The following RGS9 variants were observed in gnomAD, a reference collection of about 807,000 sequenced individuals.
RGS9 encodes the protein regulator of G-protein signalling 9.
A neutral mutation model predicts 102.0 loss-of-function variants in RGS9; 78 were observed. The observed-to-expected ratio is 0.76, with a 90% CI of 0.64 to 0.92. RGS9 has a LOEUF of 0.92. Among genes scored for constraint, RGS9 ranks in the 40% least tolerant of loss-of-function variants. The pLI is 0.00. For synonymous variants in RGS9, 353 were observed against 318.6 expected (o/e 1.11, Z -1.15); for missense variants, 833 against 866.1 (o/e 0.96, Z 0.48).
chr17:65,152,836 G>A (rs973417726), intron 1 of RGS9, among the ~76,000 whole-genome samples: 11 of 152,178 alleles, frequency 7.2e-5, no homozygotes, highest in African/African-American at 2.4e-4. Context: ...GGTCACTGTC[G>A]TTTCTCACCT....
intron 17 of RGS9, among the ~76,000 whole-genome samples, chr17:65,218,033 C>G (rs1913576071): frequency 6.6e-6 from 1 of 152,216 alleles, no homozygotes; most frequent in Non-Finnish European, 1.5e-5. Context: ...GCTTGACAAT[C>G]ACTGTGAGGC....
At position 65,225,374 on chromosome 17, in the gene RGS9, C is replaced by A. The variant is rs776545254; in HGVS notation, c.1780C>A (p.Pro594Thr). Reference protein sequence around the residue: ...RFLRRGCLASPVFARLSPKCP... With the variant: ...RFLRRGCLASTVFARLSPKCP... ...TCTGAGACGAGGCTGTCTGGCCTCA[C>A]CTGTCTTTGCCAGGCTCTCACCCAA... The change falls in exon 18 of 19, where the codon CCT becomes ACT. Residue 594 changes from proline to threonine, a missense_variant. Physicochemically the swap from Pro to Thr is conservative, Grantham distance 38. Around this residue, in one of 3 missense-constraint regions of RGS9, gnomAD observed 320 missense variants for 276.8 expected, o/e 1.16. Transcript: ENST00000262406. 3 of 1,611,890 alleles carry A rather than the reference C, an allele frequency of 1.9e-6. No individual in the cohort carries two copies. The African/African-American group carries it at 4.0e-5, about 22-fold the overall frequency.
At chr17:65,199,121 C>A (rs1302516975) in intron 13 of RGS9, among the ~76,000 whole-genome samples, 1 of 152,190 alleles carries the variant, frequency 6.6e-6, no homozygotes, top group Non-Finnish European at 1.5e-5. Context: ...TCAATTTGCT[C>A]ATTTACTTTT....
intron 18 of RGS9, 126 bp downstream of exon 18, chr17:65,225,612 C>T: frequency 7.3e-7 from 1 of 1,375,178 alleles, no homozygotes; most frequent in Non-Finnish European, 1.0e-6. Context: ...AGGCAGCCCA[C>T]TCAGATCCCT....
intron 18 of RGS9, among the ~76,000 whole-genome samples, chr17:65,226,372 G>A (rs1159723754): frequency 5.9e-5 from 9 of 152,216 alleles, no homozygotes; most frequent in African/African-American, 2.2e-4. Flanking sequence ...GCCAGGCAGA[G>A]GTTGTTATCC....
At chr17:65,193,716 C>T in intron 12 of RGS9, 60 bp downstream of exon 12, 2 of 968,310 alleles carry the variant, frequency 2.1e-6, no homozygotes, top group Non-Finnish European at 1.7e-6. Context: ...AATTCACATG[C>T]CATAAAATTC....
At chr17:65,162,887 C>T (rs1911038998) in intron 6 of RGS9, 126 bp from the exon 7 acceptor site, 1 of 687,320 alleles carries the variant, frequency 1.5e-6, no homozygotes, top group South Asian at 1.5e-5. Flanking sequence ...AGCTTAGATA[C>T]CATCGGGCTG....
In RGS9 at chr17:65,173,936, C is replaced by T. The variant is rs1424739046; in HGVS notation, c.583-3796C>T. ...CGAGGGCAGGGAACTGGAAAAGGAC[C>T]ACAGCTTGATTGGGAACAACTGAGA... On this transcript the variant is annotated intron_variant, in intron 8 of 18. Transcript: ENST00000262406. This position sits in a 1 kb window ranked among gnomAD's most constrained non-coding sequence, Gnocchi z 4.8. Among the ~76,000 whole-genome samples, 1 of 152,198 alleles carries T rather than the reference C, an allele frequency of 6.6e-6. No individual in the cohort carries two copies. The highest frequency in any genetic ancestry group is 1.5e-5 in the Non-Finnish European group (1 of 68,024).
intron 16 of RGS9, 102 bp downstream of exon 16, chr17:65,208,109 T>C: frequency 1.3e-6 from 1 of 799,628 alleles, no homozygotes; most frequent in Non-Finnish European, 2.2e-6. Context: ...ATTTGCTTGA[T>C]GAAAATATTG....
chr17:65,138,536 G>A lies in RGS9; in HGVS notation c.57+939G>A, dbSNP rs74353246. On this transcript the variant is annotated intron_variant, in intron 1 of 18. Coordinates refer to ENST00000262406, the MANE Select transcript of RGS9 (RefSeq NM_003835.4). The stretch of plus-strand genomic sequence containing the variant: ...TGGACAGTCCTGGGGACCCCGAGAC[G>A]GTCGCATTTGGTCCACCTGTTTCAA... 9.8e-3 allele frequency among the ~76,000 whole-genome samples: 1,490 copies of A among 152,114 alleles called. 25 individuals carry two copies. The highest frequency in any genetic ancestry group is 0.061 in the South Asian group (292 of 4,810).
Position 65,212,873 on chromosome 17 carries a change from G to A in RGS9, c.1407+2268G>A, listed in dbSNP as rs370994368. Reference sequence around the variant, plus strand: ...CCATTGTAAACTGGGTGACACGAGAGGAGGGACTGTATTTATCTCATTCAT... The same window carrying A: ...CCATTGTAAACTGGGTGACACGAGAAGAGGGACTGTATTTATCTCATTCAT... On this transcript the variant is annotated intron_variant, in intron 17 of 18. Coordinates refer to ENST00000262406, the MANE Select transcript of RGS9 (RefSeq NM_003835.4). Among the ~76,000 whole-genome samples, 20 of 152,326 alleles carry A rather than the reference G, an allele frequency of 1.3e-4. No individual in the cohort carries two copies. The East Asian group carries it at 3.9e-3, about 29-fold the overall frequency.
intron 11 of RGS9, among the ~76,000 whole-genome samples, chr17:65,192,372 G>A (rs1912401514): frequency 6.6e-6 from 1 of 152,138 alleles, no homozygotes; most frequent in South Asian, 2.1e-4. Flanking sequence ...CCAGCACTTT[G>A]GGAAGTTTCA....
At chr17:65,215,669 C>G (rs916761924) in intron 17 of RGS9, among the ~76,000 whole-genome samples, 3 of 151,930 alleles carry the variant, frequency 2.0e-5, no homozygotes, top group African/African-American at 7.3e-5. Flanking sequence ...CAAGCCATTC[C>G]CCTGCCTCAG....
chr17:65,138,472 C>G (rs145537619), intron 1 of RGS9, among the ~76,000 whole-genome samples: 118 of 152,206 alleles, frequency 7.8e-4, no homozygotes, highest in African/African-American at 2.6e-3. Flanking sequence ...AGTCAGTGAC[C>G]GCTGTCCTGA....
intron 11 of RGS9, among the ~76,000 whole-genome samples, chr17:65,191,004 C>G (rs1912344545): frequency 1.3e-5 from 2 of 152,122 alleles, no homozygotes; most frequent in Non-Finnish European, 2.9e-5. Flanking sequence ...GGGTTGGGCT[C>G]TTGTAAAAAT....
chr17:65,154,445 G>A (rs1910695905), intron 2 of RGS9, among the ~76,000 whole-genome samples: 1 of 152,248 alleles, frequency 6.6e-6, no homozygotes, highest in African/African-American at 2.4e-5. Flanking sequence ...CCTCCCAGAA[G>A]GTCATTTTAG....
At chr17:65,158,402 G>T (rs765620119) in intron 3 of RGS9, 57 bp downstream of exon 3, 2 of 1,467,148 alleles carry the variant, frequency 1.4e-6, no homozygotes, top group Non-Finnish European at 1.9e-6. Flanking sequence ...AGCACCATGG[G>T]AGAAACTAAA....
At chr17:65,146,685 A>T (rs1181593020) in intron 1 of RGS9, among the ~76,000 whole-genome samples, 1 of 152,076 alleles carries the variant, frequency 6.6e-6, no homozygotes, top group East Asian at 1.9e-4. Flanking sequence ...ACTTGAGGTC[A>T]GGAGTTTGAG....
chr17:65,205,531 A>G (rs1246828956), intron 15 of RGS9, among the ~76,000 whole-genome samples: 1 of 152,128 alleles, frequency 6.6e-6, no homozygotes, highest in Admixed American at 6.5e-5. Flanking sequence ...AGGTTATGTG[A>G]TATAGGCTAT....
Sources: allele counts gnomAD v4.1 joint callset (sites outside exome capture counted in the v4.1 genomes callset), GRCh38; gene constraint gnomAD v4.1.1; regional missense constraint gnomAD v4.1.1; non-coding constraint Gnocchi (gnomAD v3.1); transcripts MANE v1.5; gene names NCBI Gene and HGNC (gene_info 2026-07-23, HGNC 2026-07-21).